The following WWC2 variants were observed in gnomAD, a reference collection of about 807,000 sequenced individuals.
The protein encoded by WWC2 is WW and C2 domain containing 2.
Under a neutral mutation model 138.5 loss-of-function variants are expected in WWC2, and 101 were observed. That is an observed-to-expected ratio of 0.73 (90% CI 0.62 to 0.86). The LOEUF is 0.86. Among genes scored for constraint, WWC2 ranks in the 40% least tolerant of loss-of-function variants. The probability of loss-of-function intolerance (pLI) is 0.00; values close to 1 mark genes in which losing one functional copy is unlikely to be tolerated. For missense variants in WWC2, 1,420 were observed against 1,419.4 expected (o/e 1.00, Z -0.01); for synonymous variants, 558 against 538.4 (o/e 1.04, Z -0.50).
At chr4:183,148,106 G>C (rs1388612675) in intron 1 of WWC2, among the ~76,000 whole-genome samples, 1 of 152,170 alleles carries the variant, frequency 6.6e-6, no homozygotes, top group African/African-American at 2.4e-5. Flanking sequence ...AAAGATACAT[G>C]TAGCGTGTGA....
intron 21 of WWC2, among the ~76,000 whole-genome samples, chr4:183,307,549 T>G (rs1298851433): frequency 1.3e-5 from 2 of 152,192 alleles, no homozygotes; most frequent in African/African-American, 4.8e-5. Context: ...AACAAAATAT[T>G]AGCAGATCAT....
At chr4:183,303,646 T>C (rs1738932603) in intron 21 of WWC2, among the ~76,000 whole-genome samples, 1 of 152,226 alleles carries the variant, frequency 6.6e-6, no homozygotes, top group African/African-American at 2.4e-5. Flanking sequence ...GCTAAAGAAT[T>C]GTCTTTCTAT....
At chr4:183,219,714 C>T (rs1161006742) in intron 4 of WWC2, among the ~76,000 whole-genome samples, 1 of 152,170 alleles carries the variant, frequency 6.6e-6, no homozygotes, top group Non-Finnish European at 1.5e-5. Flanking sequence ...ACATTTTATA[C>T]ATTAGAGCAA....
At chr4:183,155,221 A>AGAGT (rs141480395) in intron 1 of WWC2, among the ~76,000 whole-genome samples, 73,050 of 135,730 alleles carry the variant, frequency 0.54, 19,527 homozygotes, top group Admixed American at 0.67. Flanking sequence ...AGAGAGAGAG[A>AGAGT]GAGTTAGTTG....
At chr4:183,270,258 AGT>A (rs944518152) in intron 15 of WWC2, among the ~76,000 whole-genome samples, 2 of 152,216 alleles carry the variant, frequency 1.3e-5, no homozygotes, top group African/African-American at 4.8e-5. Context: ...CTTAAAGAAG[AGT>A]GTAATTGAAT....
rs1434696671 is a variant in WWC2, at chr4:183,320,489, C to T, written c.*4760C>T. On this transcript the variant is annotated 3_prime_UTR_variant, in exon 23 of 23. Coordinates refer to ENST00000403733, the MANE Select transcript of WWC2 (RefSeq NM_024949.6). ...CTGGATTTGACAGAAAGCAGTTTGT[C>T]ACTGAAATATAATTAAGTGATAATC... 4.5e-5 allele frequency: 21 copies of T among 466,116 alleles called. No homozygotes were observed. The East Asian group carries it at 5.7e-4, about 13-fold the overall frequency. 28.9% of individuals were successfully genotyped at this position (466,116 alleles called of 1,614,324 possible).
chr4:183,156,486 C>A (rs1304304219), intron 1 of WWC2, among the ~76,000 whole-genome samples: 1 of 152,096 alleles, frequency 6.6e-6, no homozygotes, highest in Non-Finnish European at 1.5e-5. Flanking sequence ...CATATGCCAC[C>A]ATGCCTGGCT....
intron 17 of WWC2, among the ~76,000 whole-genome samples, chr4:183,281,970 T>C (rs975058086): frequency 6.6e-6 from 1 of 152,226 alleles, no homozygotes; most frequent in African/African-American, 2.4e-5. Flanking sequence ...ACTTCATGGC[T>C]AGACATTTAT....
intron 1 of WWC2, among the ~76,000 whole-genome samples, chr4:183,109,059 C>T (rs1274405706): frequency 1.3e-5 from 2 of 151,962 alleles, no homozygotes; most frequent in African/African-American, 2.4e-5. Flanking sequence ...TTTAAAAGAC[C>T]TCTTAAAAGT....
At chr4:183,248,916 G>A (rs1736884657) in intron 7 of WWC2, 56 bp downstream of exon 7, 7 of 1,435,362 alleles carry the variant, frequency 4.9e-6, no homozygotes, top group Non-Finnish European at 4.7e-6. Context: ...GGCCTTAATT[G>A]CAATATGGAT....
At chr4:183,109,224 T>C (rs1732150646) in intron 1 of WWC2, among the ~76,000 whole-genome samples, 1 of 152,184 alleles carries the variant, frequency 6.6e-6, no homozygotes, top group Non-Finnish European at 1.5e-5. Context: ...TAAAGAAGAA[T>C]ATGTGACAGA....
chr4:183,145,464 T>C (rs866303206), intron 1 of WWC2, among the ~76,000 whole-genome samples: 1 of 152,198 alleles, frequency 6.6e-6, no homozygotes, highest in Middle Eastern at 3.2e-3. Flanking sequence ...TAATTTCAAT[T>C]TACCTGCATG....
At chr4:183,267,296 G>C (rs1211133610) in intron 14 of WWC2, among the ~76,000 whole-genome samples, 2 of 152,276 alleles carry the variant, frequency 1.3e-5, no homozygotes, top group East Asian at 3.9e-4. Context: ...AGGAGAGCAG[G>C]CATCACATAG....
intron 1 of WWC2, among the ~76,000 whole-genome samples, chr4:183,109,903 A>T (rs1179894708): frequency 1.3e-5 from 2 of 152,128 alleles, no homozygotes; most frequent in Non-Finnish European, 2.9e-5. Context: ...TTAGTTTCCC[A>T]AACTGGTTCT....
At chr4:183,314,702 C>A (rs1739375229) in intron 22 of WWC2, among the ~76,000 whole-genome samples, 1 of 152,220 alleles carries the variant, frequency 6.6e-6, no homozygotes, top group African/African-American at 2.4e-5. Context: ...TTTTTAAACA[C>A]CCCAGTTAGC....
chr4:183,265,838 G>T, intron 13 of WWC2, 27 bp from the exon 14 acceptor site: 6 of 1,610,512 alleles, frequency 3.7e-6, no homozygotes, highest in Non-Finnish European at 5.1e-6. Context: ...GGTGATTCCT[G>T]ACTTCATTTA....
At chr4:183,290,742 C>G (rs907393328) in intron 21 of WWC2, among the ~76,000 whole-genome samples, 1 of 152,186 alleles carries the variant, frequency 6.6e-6, no homozygotes, top group Admixed American at 6.5e-5. Flanking sequence ...ACATTGTTTT[C>G]TATCAGTCCC....
intron 1 of WWC2, 30 bp from the exon 2 acceptor site, chr4:183,193,569 C>A: frequency 6.3e-7 from 1 of 1,595,062 alleles, no homozygotes; most frequent in South Asian, 1.1e-5. Flanking sequence ...CGGAAAGAAT[C>A]ACTGGTGTGT....
chr4:183,278,086 T>C (rs1292245864), intron 16 of WWC2, among the ~76,000 whole-genome samples: 4 of 152,266 alleles, frequency 2.6e-5, no homozygotes, highest in African/African-American at 9.6e-5. Context: ...GCCTAGGTTT[T>C]CTTCTAGGGT....
Sources: gnomAD v4.1 joint callset for allele counts (sites outside exome capture counted in the v4.1 genomes callset) on GRCh38, gnomAD v4.1.1 for gene constraint, MANE v1.5 for transcripts, NCBI Gene and HGNC (gene_info 2026-07-23, HGNC 2026-07-21) for gene names.